RPS6KC1: variants seen among roughly 807,000 people sequenced by gnomAD.
RPS6KC1 encodes inactive ribosomal protein S6 kinase delta-1.
In RPS6KC1, 54 loss-of-function variants were observed where a neutral mutation model predicts 103.8. That is an observed-to-expected ratio of 0.52 (90% CI 0.42 to 0.65). RPS6KC1 has a LOEUF of 0.65. Ranked by LOEUF, RPS6KC1 falls within the 30% of genes least tolerant of loss-of-function variation. RPS6KC1 has a pLI of 0.00. For synonymous variants in RPS6KC1, 439 were observed against 438.7 expected (o/e 1.00, Z -0.01); for missense variants, 1,151 against 1,253.8 (o/e 0.92, Z 1.24).
the RPS6KC1 span, chr1:213,794,270 C>T: frequency 6.6e-6 from 1 of 152,186 alleles, no homozygotes; most frequent in East Asian, 1.9e-4. Flanking sequence ...CAAAATATAA[C>T]CATTCTATAA....
At chr1:213,146,507 C>G (rs2087850087) in intron 6 of RPS6KC1, among the ~76,000 whole-genome samples, 1 of 151,370 alleles carries the variant, frequency 6.6e-6, no homozygotes, top group Non-Finnish European at 1.5e-5. Flanking sequence ...ACTGCAACCT[C>G]CACCTCCTGG....
the RPS6KC1 span, among the ~76,000 whole-genome samples, chr1:213,416,113 G>C: frequency 1.3e-5 from 2 of 152,202 alleles, no homozygotes; most frequent in Admixed American, 6.5e-5. Flanking sequence ...GAAAGTGCCG[G>C]GGGATCTCCC....
At chr1:213,576,028 A>G in the RPS6KC1 span, among the ~76,000 whole-genome samples, 1 of 152,132 alleles carries the variant, frequency 6.6e-6, no homozygotes, top group African/African-American at 2.4e-5. Flanking sequence ...ATGGATTTCC[A>G]GAAGCTCTGG....
chr1:213,793,864 G>T, the RPS6KC1 span, among the ~76,000 whole-genome samples: 1 of 151,938 alleles, frequency 6.6e-6, no homozygotes, highest in South Asian at 2.1e-4. Flanking sequence ...GGCGGAAAGG[G>T]TTTTTTTGTG....
the RPS6KC1 span, among the ~76,000 whole-genome samples, chr1:213,487,652 G>A: frequency 3.9e-5 from 6 of 152,224 alleles, no homozygotes; most frequent in South Asian, 6.2e-4. Context: ...ATCAGGCTGC[G>A]TGGGTTTAAA....
the RPS6KC1 span, among the ~76,000 whole-genome samples, chr1:213,760,563 AC>A: frequency 6.6e-6 from 1 of 152,196 alleles, no homozygotes; most frequent in African/African-American, 2.4e-5. Flanking sequence ...TGTTAAAAAA[AC>A]ATACCACACT....
At chr1:213,116,730 T>C (rs1295683853) in intron 4 of RPS6KC1, among the ~76,000 whole-genome samples, 1 of 151,910 alleles carries the variant, frequency 6.6e-6, no homozygotes, top group Non-Finnish European at 1.5e-5. Context: ...CTTCAGGAGC[T>C]CTTTTAGGGC....
intron 2 of RPS6KC1, among the ~76,000 whole-genome samples, chr1:213,076,988 G>GC (rs1370712047): frequency 1.3e-5 from 2 of 151,790 alleles, no homozygotes; most frequent in African/African-American, 4.8e-5. Flanking sequence ...TCCTGCCTCA[G>GC]CCCCCCGAGT....
chr1:213,405,246 C>T, the RPS6KC1 span, among the ~76,000 whole-genome samples: 12 of 152,228 alleles, frequency 7.9e-5, no homozygotes, highest in Non-Finnish European at 1.8e-4. Context: ...CATTGGGATA[C>T]GGAGGATAGA....
At chr1:213,115,427 A>G (rs1009168353) in intron 4 of RPS6KC1, among the ~76,000 whole-genome samples, 8 of 152,046 alleles carry the variant, frequency 5.3e-5, no homozygotes, top group Admixed American at 4.6e-4. Flanking sequence ...TATTGCGTCT[A>G]TTTGATTCTT....
chr1:213,701,605 G>C, the RPS6KC1 span, among the ~76,000 whole-genome samples: 2 of 152,040 alleles, frequency 1.3e-5, no homozygotes, highest in Admixed American at 1.3e-4. Flanking sequence ...TTGTTGGTTT[G>C]TTCAGTTTTT....
At chr1:213,491,212 G>A in the RPS6KC1 span, among the ~76,000 whole-genome samples, 1 of 152,154 alleles carries the variant, frequency 6.6e-6, no homozygotes, top group Admixed American at 6.5e-5. Flanking sequence ...TCCCCATTAA[G>A]TAAGTTATTA....
chr1:213,504,435 T>A, the RPS6KC1 span, among the ~76,000 whole-genome samples: 1 of 152,214 alleles, frequency 6.6e-6, no homozygotes, highest in Non-Finnish European at 1.5e-5. Flanking sequence ...CTTATCCAGA[T>A]GTATTGTTCT....
intron 12 of RPS6KC1, among the ~76,000 whole-genome samples, 200 bp downstream of exon 12, chr1:213,242,858 G>A (rs1237024652): frequency 1.3e-5 from 2 of 152,140 alleles, no homozygotes; most frequent in African/African-American, 2.4e-5. Context: ...ATATATGTAT[G>A]TGTGTCCACA....
the RPS6KC1 span, among the ~76,000 whole-genome samples, chr1:213,663,300 C>T: frequency 1.2e-4 from 18 of 152,206 alleles, no homozygotes; most frequent in Non-Finnish European, 2.1e-4. Context: ...TAGCACCTGT[C>T]TCTCAGAGAG....
chr1:213,692,198 T>A, the RPS6KC1 span, among the ~76,000 whole-genome samples: 2 of 151,450 alleles, frequency 1.3e-5, no homozygotes, highest in African/African-American at 4.9e-5. Flanking sequence ...AGGCCAAGAG[T>A]TCGAGACCAG....
At chr1:213,311,880 G>A in the RPS6KC1 span, among the ~76,000 whole-genome samples, 3 of 150,990 alleles carry the variant, frequency 2.0e-5, no homozygotes, top group African/African-American at 7.3e-5. Context: ...GTTAGGCCAA[G>A]CCTCAGGAGG....
the RPS6KC1 span, among the ~76,000 whole-genome samples, chr1:213,591,912 T>C: frequency 6.6e-6 from 1 of 152,148 alleles, no homozygotes; most frequent in Admixed American, 6.5e-5. Context: ...GTTAGTCACA[T>C]CTTGGGATGT....
At chr1:213,483,487 G>A in the RPS6KC1 span, among the ~76,000 whole-genome samples, 1 of 152,204 alleles carries the variant, frequency 6.6e-6, no homozygotes. Context: ...GCAAGCCATT[G>A]TGTGTACAAA....
Sources: allele counts gnomAD v4.1 joint callset (sites outside exome capture counted in the v4.1 genomes callset), GRCh38; gene constraint gnomAD v4.1.1; transcripts MANE v1.5; gene names NCBI Gene and HGNC (gene_info 2026-07-23, HGNC 2026-07-21).